Variants in RAB6A observed in about 807,000 individuals in gnomAD.
RAB6A encodes the protein RAB6A, member RAS oncogene family.
RAB6A carries 8 observed loss-of-function variants against 32.3 expected under a neutral mutation model. The observed-to-expected ratio is 0.25, with a 90% CI of 0.15 to 0.45. RAB6A has a LOEUF of 0.45. Among genes scored for constraint, RAB6A ranks in the 20% least tolerant of loss-of-function variants. The probability of loss-of-function intolerance (pLI) is 1.00; values close to 1 mark genes in which losing one functional copy is unlikely to be tolerated. For synonymous variants in RAB6A, 73 were observed against 82.1 expected, an observed-to-expected ratio of 0.89 and a Z score of 0.60; for missense variants, 104 against 249.4, an observed-to-expected ratio of 0.42 and a Z score of 3.93.
intron 6 of RAB6A, among the ~76,000 whole-genome samples, chr11:73,697,771 T>C (rs930623834): frequency 2.6e-5 from 4 of 152,266 alleles, no homozygotes; most frequent in South Asian, 2.1e-4. Flanking sequence ...TGTTCCATTA[T>C]TGTATCCCCA....
rs1170100550 is a variant in RAB6A at position 73,757,098 on chromosome 11, CATATATATATATATATAT to C, written c.70+3450_70+3467del. On this transcript the variant is annotated intron_variant, in intron 1 of 7. Transcript: ENST00000336083. ...GAGCGTAGTATCTTAAATATACATA[CATATATATATATATATAT>C]ATATATATATATATTTTTTTTTTTT... Among the ~76,000 whole-genome samples the C allele has an allele frequency of 1.6e-4, 6 of 37,668 alleles. No individual in the cohort carries two copies. In the East Asian group the frequency reaches 3.6e-3, roughly 23 times the overall value. 24.7% of individuals were successfully genotyped at this position (37,668 alleles called of 152,430 possible).
At chr11:73,699,320 G>A (rs144750417) in intron 6 of RAB6A, among the ~76,000 whole-genome samples, 192 of 152,206 alleles carry the variant, frequency 1.3e-3, no homozygotes, top group African/African-American at 4.3e-3. Context: ...GTGCAGTGGC[G>A]TGCTAATAGC....
chr11:73,718,525 T>G (rs1170939361), intron 4 of RAB6A, 88 bp downstream of exon 4: 1 of 1,113,348 alleles, frequency 9.0e-7, no homozygotes, highest in Non-Finnish European at 1.3e-6. Context: ...TACATGCCAG[T>G]AAGGAAAACA....
chr11:73,691,230 G>A (rs962446957), intron 6 of RAB6A, among the ~76,000 whole-genome samples: 1 of 152,218 alleles, frequency 6.6e-6, no homozygotes, highest in African/African-American at 2.4e-5. Flanking sequence ...CTCTGGCTGT[G>A]GGGTCATCCT....
intron 4 of RAB6A, among the ~76,000 whole-genome samples, chr11:73,717,391 A>G (rs1946067803): frequency 6.6e-6 from 1 of 152,168 alleles, no homozygotes; most frequent in South Asian, 2.1e-4. Flanking sequence ...AAAGCCCCAG[A>G]TACTGGGCTG....
chr11:73,679,049 A>G (rs1052898973), intron 7 of RAB6A, among the ~76,000 whole-genome samples: 1 of 152,140 alleles, frequency 6.6e-6, no homozygotes, highest in African/African-American at 2.4e-5. Context: ...TTATGAAAAC[A>G]TATAACATTT....
intron 6 of RAB6A, among the ~76,000 whole-genome samples, chr11:73,683,313 T>G (rs1348499382): frequency 6.9e-6 from 1 of 144,488 alleles, no homozygotes; most frequent in African/African-American, 2.6e-5. Flanking sequence ...TGGAGTGCAG[T>G]GGCACAATCA....
At chr11:73,734,157 A>T (rs1946359059) in intron 1 of RAB6A, among the ~76,000 whole-genome samples, 1 of 152,032 alleles carries the variant, frequency 6.6e-6, no homozygotes, top group South Asian at 2.1e-4. Context: ...ACGGGGTCTC[A>T]CTCTGTCGCC....
At chr11:73,736,311 C>G (rs958028899) in intron 1 of RAB6A, among the ~76,000 whole-genome samples, 1 of 151,870 alleles carries the variant, frequency 6.6e-6, no homozygotes, top group African/African-American at 2.4e-5. Context: ...GACCCACAAT[C>G]TGAGCTACTT....
intron 1 of RAB6A, among the ~76,000 whole-genome samples, chr11:73,749,272 C>T (rs555160590): frequency 2.0e-5 from 3 of 152,142 alleles, no homozygotes; most frequent in Non-Finnish European, 4.4e-5. Context: ...GAAAATCAAA[C>T]ATCGTGTGTT....
At chr11:73,738,492 T>C (rs1224809361) in intron 1 of RAB6A, among the ~76,000 whole-genome samples, 1 of 151,844 alleles carries the variant, frequency 6.6e-6, no homozygotes, top group East Asian at 1.9e-4. Flanking sequence ...CAAAAACATT[T>C]AAAAAGAAAT....
At chr11:73,722,372 C>T (rs1394946970) in intron 2 of RAB6A, 1 of 88,130 alleles carries the variant, frequency 1.1e-5, no homozygotes, top group Admixed American at 1.5e-4. Flanking sequence ...TTTTTTGAGA[C>T]AGTCTCACAC....
chr11:73,739,263 T>TAAAAAAAAAA (rs58629008), intron 1 of RAB6A, among the ~76,000 whole-genome samples: 6 of 9,384 alleles, frequency 6.4e-4, no homozygotes, highest in African/African-American at 1.1e-3. Context: ...TAATAATAAT[T>TAAAAAAAAAA]AAAAAAAAAA....
At chr11:73,760,029 T>A (rs1489654306) in intron 1 of RAB6A, 1 of 1,288,966 alleles carries the variant, frequency 7.8e-7, no homozygotes, top group Non-Finnish European at 1.0e-6. Flanking sequence ...TAATTTTTTC[T>A]ACTACCACCC....
At chr11:73,709,874 TAC>T (rs1466747782) in intron 5 of RAB6A, among the ~76,000 whole-genome samples, 1 of 134,236 alleles carries the variant, frequency 7.4e-6, no homozygotes, top group Non-Finnish European at 1.7e-5. Flanking sequence ...TATACACATA[TAC>T]ATACATATAT....
intron 5 of RAB6A, among the ~76,000 whole-genome samples, chr11:73,712,239 T>C (rs540728426): frequency 1.2e-4 from 19 of 152,238 alleles, no homozygotes; most frequent in Non-Finnish European, 2.2e-4. Context: ...TTTTATCTTT[T>C]CTATACACTT....
intron 4 of RAB6A, 51 bp downstream of exon 4, chr11:73,718,562 C>T (rs903305525): frequency 6.9e-7 from 1 of 1,456,478 alleles, no homozygotes; most frequent in Non-Finnish European, 9.4e-7. Context: ...ATGCATGCAG[C>T]TAAGCTAAAG....
At chr11:73,737,920 C>T (rs1215099940) in intron 1 of RAB6A, among the ~76,000 whole-genome samples, 5 of 136,048 alleles carry the variant, frequency 3.7e-5, no homozygotes, top group Non-Finnish European at 1.5e-5. Context: ...TGCTTGAACC[C>T]GGGAGGCGGA....
rs1353288495 is a variant in RAB6A, at chr11:73,676,560, CAGTT to C, written c.*1334_*1337del. Reference sequence around the variant, plus strand: ...TAGCTTAAATATAAAACTAAATCACCAGTTAATTAAACTATACAGATCTAATACA... The same window carrying C: ...TAGCTTAAATATAAAACTAAATCACCAATTAAACTATACAGATCTAATACA... On this transcript the variant is annotated 3_prime_UTR_variant, in exon 8 of 8. Coordinates refer to ENST00000336083, the MANE Select transcript of RAB6A (RefSeq NM_198896.2). 1.2e-5 allele frequency: 2 copies of C among 165,766 alleles called. No homozygotes were observed. The highest frequency in any genetic ancestry group is 1.9e-4 in the East Asian group (1 of 5,164). 10.3% of individuals were successfully genotyped at this position (165,766 alleles called of 1,614,324 possible).
Sources: gnomAD v4.1 joint callset for allele counts (sites outside exome capture counted in the v4.1 genomes callset) on GRCh38, gnomAD v4.1.1 for gene constraint, MANE v1.5 for transcripts, NCBI Gene and HGNC (gene_info 2026-07-23, HGNC 2026-07-21) for gene names.